KCNH8: variants seen among roughly 807,000 people sequenced by gnomAD.
The protein encoded by KCNH8 is voltage-gated delayed rectifier potassium channel KCNH8.
KCNH8 carries 70 observed loss-of-function variants against 103.6 expected under a neutral mutation model. The ratio of observed to expected loss-of-function variants is 0.68; its 90% CI spans 0.56 to 0.82. The LOEUF is 0.82. KCNH8 is among the 40% of genes least tolerant of loss of function. KCNH8 has a pLI of 0.00. For missense variants in KCNH8, 1,217 were observed against 1,329.9 expected (o/e 0.92, Z 1.32); for synonymous variants, 498 against 489.4 (o/e 1.02, Z -0.23).
intron 7 of KCNH8, among the ~76,000 whole-genome samples, chr3:19,408,842 C>A (rs1196576530): frequency 6.6e-6 from 1 of 152,024 alleles, no homozygotes; most frequent in Non-Finnish European, 1.5e-5. Context: ...AAAAAATGAT[C>A]AAAATCTTTG....
chr3:19,528,916 G>T (rs1161515389), intron 15 of KCNH8, among the ~76,000 whole-genome samples: 1 of 152,062 alleles, frequency 6.6e-6, no homozygotes, highest in Admixed American at 6.6e-5. Context: ...AAGTGGTCAG[G>T]GTTAAAACTG....
At chr3:19,352,138 G>A (rs1687585428) in intron 5 of KCNH8, among the ~76,000 whole-genome samples, 4 of 152,120 alleles carry the variant, frequency 2.6e-5, no homozygotes, top group Admixed American at 2.6e-4. Context: ...AAGAGACAAG[G>A]CCATTACATA....
At chr3:19,374,394 G>A (rs1247818951) in intron 5 of KCNH8, among the ~76,000 whole-genome samples, 3 of 151,464 alleles carry the variant, frequency 2.0e-5, no homozygotes, top group Non-Finnish European at 4.4e-5. Flanking sequence ...GATCTTTGTT[G>A]GTTTAAAGTC....
intron 11 of KCNH8, among the ~76,000 whole-genome samples, chr3:19,488,059 G>A (rs2068246589): frequency 6.6e-6 from 1 of 152,176 alleles, no homozygotes; most frequent in African/African-American, 2.4e-5. Context: ...GCTCCTTGGG[G>A]GCGCTTCAGC....
rs764881218 is a variant in KCNH8, at chr3:19,533,646, C to T, written c.2871C>T (p.Asp957=). The part of the protein sequence containing the change: ...AQLCSSNITS[D]IWSVDPSSVG... ...TTTGTAGCAGTAATATCACCTCAGACATTTGGAGTGTGGATCCCTCCTCTG... is the reference window on the plus strand; with the variant it reads ...TTTGTAGCAGTAATATCACCTCAGATATTTGGAGTGTGGATCCCTCCTCTG... The change falls in exon 16 of 16, where the codon GAC becomes GAT. Residue 957 remains aspartate, a synonymous_variant. Transcript: ENST00000328405. The T allele has an allele frequency of 1.2e-6, 2 of 1,614,194 alleles. No individual in the cohort carries two copies. The highest frequency in any genetic ancestry group is 1.7e-6 in the Non-Finnish European group (2 of 1,180,026).
intron 11 of KCNH8, among the ~76,000 whole-genome samples, chr3:19,462,341 G>C (rs2067648296): frequency 1.3e-5 from 2 of 152,142 alleles, no homozygotes; most frequent in Admixed American, 1.3e-4. Flanking sequence ...ATTCTAACTG[G>C]TGTGAGATGG....
chr3:19,180,255 CTT>C (rs2063438269), intron 1 of KCNH8, among the ~76,000 whole-genome samples: 1 of 7,766 alleles, frequency 1.3e-4, no homozygotes, highest in Non-Finnish European at 3.5e-4. Flanking sequence ...CCAAGACAGA[CTT>C]GGCCCTTCAA....
chr3:19,458,197 T>A (rs1292585904), intron 11 of KCNH8, among the ~76,000 whole-genome samples: 1 of 151,930 alleles, frequency 6.6e-6, no homozygotes, highest in Non-Finnish European at 1.5e-5. Context: ...TTAAAACATA[T>A]ATTGTTTCTG....
intron 1 of KCNH8, among the ~76,000 whole-genome samples, chr3:19,154,246 T>C (rs2063158788): frequency 6.6e-6 from 1 of 152,172 alleles, no homozygotes; most frequent in African/African-American, 2.4e-5. Context: ...TAATTTGCCA[T>C]TTTGTACAGT....
chr3:19,523,160 T>G (rs893176633), intron 15 of KCNH8, among the ~76,000 whole-genome samples: 11 of 151,810 alleles, frequency 7.2e-5, no homozygotes, highest in African/African-American at 2.4e-4. Context: ...TGCTATTGAG[T>G]CCAAAAGAAA....
At chr3:19,436,854 A>C (rs1323584357) in intron 7 of KCNH8, among the ~76,000 whole-genome samples, 1 of 152,182 alleles carries the variant, frequency 6.6e-6, no homozygotes, top group Non-Finnish European at 1.5e-5. Flanking sequence ...AGAATACAGG[A>C]CCAAAACAAC....
intron 3 of KCNH8, among the ~76,000 whole-genome samples, chr3:19,286,007 A>G (rs987527351): frequency 6.6e-6 from 1 of 152,204 alleles, no homozygotes; most frequent in Non-Finnish European, 1.5e-5. Context: ...GACTGAAAGG[A>G]AAGAATGTTA....
intron 11 of KCNH8, among the ~76,000 whole-genome samples, chr3:19,505,626 A>G (rs1394024567): frequency 6.6e-6 from 1 of 151,916 alleles, no homozygotes; most frequent in Non-Finnish European, 1.5e-5. Flanking sequence ...GGAAAATCTG[A>G]TGATTATGTG....
chr3:19,411,898 C>T (rs1226561132), intron 7 of KCNH8, among the ~76,000 whole-genome samples: 1 of 151,838 alleles, frequency 6.6e-6, no homozygotes, highest in Non-Finnish European at 1.5e-5. Flanking sequence ...AATGGAAAGA[C>T]ATTCTATGCT....
At chr3:19,156,154 A>G (rs1407583086) in intron 1 of KCNH8, among the ~76,000 whole-genome samples, 2 of 152,146 alleles carry the variant, frequency 1.3e-5, no homozygotes, top group East Asian at 1.9e-4. Flanking sequence ...AACTCTAGTG[A>G]TAATAGTGTC....
intron 3 of KCNH8, among the ~76,000 whole-genome samples, chr3:19,334,144 G>C (rs1394586062): frequency 6.6e-6 from 1 of 152,098 alleles, no homozygotes; most frequent in Non-Finnish European, 1.5e-5. Flanking sequence ...TTGAATGCAG[G>C]ATATTCTGGG....
At chr3:19,353,693 C>T (rs980249336) in intron 5 of KCNH8, among the ~76,000 whole-genome samples, 6 of 152,252 alleles carry the variant, frequency 3.9e-5, no homozygotes, top group South Asian at 2.1e-4. Flanking sequence ...GCCCTCCATG[C>T]TAACAACTCT....
chr3:19,419,712 C>A (rs1406603019), intron 7 of KCNH8, among the ~76,000 whole-genome samples: 2 of 151,660 alleles, frequency 1.3e-5, no homozygotes, highest in East Asian at 3.9e-4. Flanking sequence ...TTACGAAGGC[C>A]CCCATTTTAA....
intron 11 of KCNH8, among the ~76,000 whole-genome samples, chr3:19,491,999 T>A (rs2068333114): frequency 6.6e-6 from 1 of 152,232 alleles, no homozygotes; most frequent in Admixed American, 6.5e-5. Flanking sequence ...TCATGTCTTT[T>A]GCTCACTTTT....
Sources: gnomAD v4.1 joint callset for allele counts (sites outside exome capture counted in the v4.1 genomes callset) on GRCh38, gnomAD v4.1.1 for gene constraint, MANE v1.5 for transcripts, NCBI Gene and HGNC (gene_info 2026-07-23, HGNC 2026-07-21) for gene names.